RORA: variants seen among roughly 807,000 people sequenced by gnomAD.
RORA encodes nuclear receptor ROR-alpha.
Under a neutral mutation model 69.5 loss-of-function variants are expected in RORA, and 7 were observed. The ratio of observed to expected loss-of-function variants is 0.10; its 90% CI spans 0.06 to 0.19. The LOEUF is 0.19. RORA is among the 10% of genes least tolerant of loss of function. The probability of loss-of-function intolerance (pLI) is 1.00; values close to 1 mark genes in which losing one functional copy is unlikely to be tolerated. For missense variants in RORA, 457 were observed against 663.0 expected (o/e 0.69, Z 3.41); for synonymous variants, 261 against 240.8 (o/e 1.08, Z -0.78).
intron 1 of RORA, among the ~76,000 whole-genome samples, chr15:61,023,187 CAAAAAAAAAA>C (rs35185635): frequency 4.8e-4 from 36 of 75,678 alleles, no homozygotes; most frequent in African/African-American, 1.7e-3. Flanking sequence ...GACTCTGCCT[CAAAAAAAAAA>C]AAAAAAAAAA....
intron 1 of RORA, among the ~76,000 whole-genome samples, chr15:60,942,346 G>A (rs1892725563): frequency 6.6e-6 from 1 of 152,176 alleles, no homozygotes; most frequent in East Asian, 1.9e-4. Context: ...TCCCAAATCA[G>A]TGCTCTTCCC....
intron 1 of RORA, among the ~76,000 whole-genome samples, chr15:60,686,376 T>C (rs1300769163): frequency 6.6e-6 from 1 of 152,238 alleles, no homozygotes; most frequent in Non-Finnish European, 1.5e-5. Flanking sequence ...ATTTCTCTTG[T>C]TATTTACTCG....
At chr15:60,692,230 CTTTAT>C (rs1185676126) in intron 1 of RORA, among the ~76,000 whole-genome samples, 8 of 152,136 alleles carry the variant, frequency 5.3e-5, no homozygotes, top group Admixed American at 4.6e-4. Context: ...AAAAAATACA[CTTTAT>C]TTTTAAAGAT....
chr15:60,820,171 C>T (rs1254630576), intron 1 of RORA, among the ~76,000 whole-genome samples: 2 of 152,242 alleles, frequency 1.3e-5, no homozygotes, highest in East Asian at 3.8e-4. Flanking sequence ...ACGCTGCACT[C>T]CACCTCCCAT....
chr15:60,611,702 C>A (rs1430755598), intron 2 of RORA, among the ~76,000 whole-genome samples: 1 of 150,912 alleles, frequency 6.6e-6, no homozygotes, highest in Non-Finnish European at 1.5e-5. Flanking sequence ...GCCATAGACA[C>A]AAGCTGCTTT....
At chr15:60,869,133 C>A (rs137939837) in intron 1 of RORA, among the ~76,000 whole-genome samples, 561 of 152,222 alleles carry the variant, frequency 3.7e-3, no homozygotes, top group Middle Eastern at 0.017. Context: ...CACATCAGTT[C>A]CTTATATTTT....
At chr15:60,699,892 T>A (rs886973404) in intron 1 of RORA, among the ~76,000 whole-genome samples, 1 of 152,106 alleles carries the variant, frequency 6.6e-6, no homozygotes, top group Non-Finnish European at 1.5e-5. Context: ...TTGTTTAGAT[T>A]AGGATTATAT....
chr15:60,835,009 T>A (rs896782435), intron 1 of RORA, among the ~76,000 whole-genome samples: 1 of 152,178 alleles, frequency 6.6e-6, no homozygotes, highest in African/African-American at 2.4e-5. Flanking sequence ...TAGATATATT[T>A]AGAGCTTTAA....
chr15:60,871,217 C>T (rs576422173), intron 1 of RORA, among the ~76,000 whole-genome samples: 3 of 152,210 alleles, frequency 2.0e-5, no homozygotes, highest in African/African-American at 7.2e-5. Context: ...AATTACATTC[C>T]TGTTGCAGAT....
chr15:60,856,490 C>CT (rs34150883), intron 1 of RORA, among the ~76,000 whole-genome samples: 89,167 of 148,438 alleles, frequency 0.6, 27,532 homozygotes, highest in East Asian at 0.9. Context: ...AATCACTGAC[C>CT]TTTTTTTTTT....
At chr15:60,865,531 G>A (rs2140429583) in intron 1 of RORA, among the ~76,000 whole-genome samples, 1 of 152,296 alleles carries the variant, frequency 6.6e-6, no homozygotes, top group East Asian at 1.9e-4. Context: ...GAACCTCAAT[G>A]CCCTGCTGTT....
intron 1 of RORA, among the ~76,000 whole-genome samples, chr15:60,945,191 C>G (rs1392501213): frequency 6.6e-6 from 1 of 152,122 alleles, no homozygotes; most frequent in Non-Finnish European, 1.5e-5. Context: ...TCTGAAAATC[C>G]AAACTCATGA....
intron 1 of RORA, among the ~76,000 whole-genome samples, chr15:61,173,339 C>T (rs1034315693): frequency 6.6e-6 from 1 of 152,238 alleles, no homozygotes; most frequent in Non-Finnish European, 1.5e-5. Flanking sequence ...TGAATTCATC[C>T]ATTCACCATA....
chr15:60,890,230 T>C (rs1179818889), intron 1 of RORA, among the ~76,000 whole-genome samples: 2 of 152,186 alleles, frequency 1.3e-5, no homozygotes, highest in Admixed American at 1.3e-4. Flanking sequence ...TTATTTTACA[T>C]GTGGGAAAAT....
At chr15:61,059,958 A>G (rs139558842) in intron 1 of RORA, among the ~76,000 whole-genome samples, 18,158 of 117,938 alleles carry the variant, frequency 0.15, 1,751 homozygotes, top group Non-Finnish European at 0.18. Flanking sequence ...AAGAAGAAGA[A>G]GAAGAGGAAG....
intron 1 of RORA, among the ~76,000 whole-genome samples, chr15:61,050,400 G>A (rs148509929): frequency 2.6e-4 from 40 of 152,278 alleles, no homozygotes; most frequent in African/African-American, 9.6e-4. Context: ...AATTTTTAAA[G>A]TCAACATTGA....
intron 1 of RORA, among the ~76,000 whole-genome samples, chr15:61,057,269 T>A (rs1298887089): frequency 1.3e-5 from 2 of 152,270 alleles, no homozygotes; most frequent in African/African-American, 4.8e-5. Flanking sequence ...TCATTATACC[T>A]GGCTTTTTAA....
At chr15:61,060,047 A>AAGAAGAAGAAGG (rs2078160198) in intron 1 of RORA, among the ~76,000 whole-genome samples, 1 of 149,262 alleles carries the variant, frequency 6.7e-6, no homozygotes, top group Non-Finnish European at 1.5e-5. Flanking sequence ...GAAGAAGAAG[A>AAGAAGAAGAAGG]AGAAAGCCTT....
At chr15:61,030,967 T>C (rs1048453572) in intron 1 of RORA, among the ~76,000 whole-genome samples, 2 of 152,206 alleles carry the variant, frequency 1.3e-5, no homozygotes, top group Admixed American at 6.5e-5. Context: ...CACATACACA[T>C]GTATATTTCA....
Sources: allele counts gnomAD v4.1 joint callset (sites outside exome capture counted in the v4.1 genomes callset), GRCh38; gene constraint gnomAD v4.1.1; transcripts MANE v1.5; gene names NCBI Gene and HGNC (gene_info 2026-07-23, HGNC 2026-07-21).